The following DAAM1 variants were observed in gnomAD, a reference collection of about 807,000 sequenced individuals.
DAAM1 encodes disheveled-associated activator of morphogenesis 1.
Under a neutral mutation model 130.0 loss-of-function variants are expected in DAAM1, and 52 were observed. The observed-to-expected ratio is 0.40, with a 90% CI of 0.32 to 0.50. DAAM1 has a LOEUF of 0.50. Among genes scored for constraint, DAAM1 ranks in the 20% least tolerant of loss-of-function variants. DAAM1 has a pLI of 0.61. For missense variants in DAAM1, 1,134 were observed against 1,303.8 expected (o/e 0.87, Z 2.01); for synonymous variants, 452 against 444.5 (o/e 1.02, Z -0.21).
intron 15 of DAAM1, among the ~76,000 whole-genome samples, chr14:59,339,174 T>A (rs1885749476): frequency 6.6e-6 from 1 of 152,238 alleles, no homozygotes; most frequent in Non-Finnish European, 1.5e-5. Context: ...GTAAGTTGAA[T>A]GAATAATTCA....
At chr14:59,336,403 C>T (rs540001343) in intron 15 of DAAM1, among the ~76,000 whole-genome samples, 3 of 152,250 alleles carry the variant, frequency 2.0e-5, no homozygotes, top group East Asian at 3.9e-4. Flanking sequence ...TGACCCAAGC[C>T]AATTAGAAGT....
intron 3 of DAAM1, among the ~76,000 whole-genome samples, chr14:59,293,453 A>T (rs927266378): frequency 3.9e-5 from 6 of 152,098 alleles, no homozygotes; most frequent in East Asian, 1.9e-4. Flanking sequence ...TTGTAGGAGG[A>T]TGGATATGGA....
Position 59,367,520 on chromosome 14 carries a change from T to C in DAAM1, c.2918T>C (p.Val973Ala), listed in dbSNP as rs755740073. 6.2e-7 allele frequency: 1 copy of C among 1,613,970 alleles called. No individual in the cohort carries two copies. Among genetic ancestry groups the C allele is most frequent in the African/African-American group, 1.3e-5 (1 of 75,016 alleles). Residue 973 changes from valine (V) to alanine (A), a missense_variant, in exon 24 of 25, where the codon GTG (valine) becomes GCG (alanine). Physicochemically the swap from Val to Ala is moderately conservative, Grantham distance 64. Transcript: ENST00000360909. ...ATTTTTGATCAATTTCTTCAAGCTGTGTCAGAAGCCAAACAAGAAAACGAA... is the reference window on the plus strand; with the variant it reads ...ATTTTTGATCAATTTCTTCAAGCTGCGTCAGAAGCCAAACAAGAAAACGAA... ...FGIFDQFLQA[V>A]SEAKQENENM...
At chr14:59,209,551 TTC>T (rs1888366104) in intron 1 of DAAM1, among the ~76,000 whole-genome samples, 2 of 152,228 alleles carry the variant, frequency 1.3e-5, no homozygotes, top group Non-Finnish European at 1.5e-5. Flanking sequence ...CATTCTATTT[TTC>T]ATTTTCAATA....
At chr14:59,326,812 G>A (rs1441430160) in intron 11 of DAAM1, 121 bp from the exon 12 acceptor site, 12 of 1,509,394 alleles carry the variant, frequency 8.0e-6, no homozygotes, top group African/African-American at 1.4e-5. Context: ...GTCTTAAATG[G>A]GTTTCAAGCA....
In DAAM1 at chr14:59,352,513, G is replaced by T; in HGVS notation, c.2161-13G>T. ...GATAAACCTCAGTTTTAATATTCGT[G>T]TGTACTTTTCAGCTCTTGAAATTTG... On this transcript the variant is annotated splice_polypyrimidine_tract_variant and intron_variant, in intron 17 of 24. Coordinates refer to ENST00000360909, the MANE Select transcript of DAAM1 (RefSeq NM_001270520.2). 6.2e-7 allele frequency: 1 copy of T among 1,600,452 alleles called. No individual in the cohort carries two copies. The highest frequency in any genetic ancestry group is 8.5e-7 in the Non-Finnish European group (1 of 1,170,458).
chr14:59,294,932 G>A (rs549486777), intron 3 of DAAM1, among the ~76,000 whole-genome samples: 40 of 152,350 alleles, frequency 2.6e-4, no homozygotes, highest in African/African-American at 8.7e-4. Flanking sequence ...TATGCTGACA[G>A]CAATCTTATC....
chr14:59,250,300 A>C (rs1189148245), intron 1 of DAAM1, among the ~76,000 whole-genome samples: 1 of 152,240 alleles, frequency 6.6e-6, no homozygotes, highest in East Asian at 1.9e-4. Flanking sequence ...CCTTGGGAAC[A>C]TTCTTCCTCT....
intron 16 of DAAM1, among the ~76,000 whole-genome samples, chr14:59,343,918 A>G (rs1022518357): frequency 6.6e-6 from 1 of 152,210 alleles, no homozygotes; most frequent in Non-Finnish European, 1.5e-5. Flanking sequence ...TAGAATGGGC[A>G]CGTCTTAGAG....
intron 1 of DAAM1, among the ~76,000 whole-genome samples, chr14:59,208,019 A>G (rs961860546): frequency 6.6e-6 from 1 of 152,354 alleles, no homozygotes; most frequent in Non-Finnish European, 1.5e-5. Flanking sequence ...ATAGAAATAG[A>G]TAAAAATCTT....
rs41285512 is a variant in DAAM1 at position 59,368,632 on chromosome 14, A to C, written c.2998-18A>C. The C allele has an allele frequency of 0.077, 123,085 of 1,605,436 alleles. 5,206 individuals carry two copies. Among genetic ancestry groups the C allele is most frequent in the Non-Finnish European group, 0.086 (101,423 of 1,175,560 alleles). On this transcript the variant is annotated intron_variant, in intron 24 of 24. Transcript: ENST00000360909. ...CATTTTGACATGTCTCAAAGAGGTT[A>C]TTTCTTTCTATTTGCAGCTCAAAGA...
In DAAM1 at chr14:59,288,816, T is replaced by C. The variant is rs532503014; in HGVS notation, c.184-2401T>C. Among the ~76,000 whole-genome samples the C allele has an allele frequency of 1.6e-4, 21 of 134,478 alleles. No homozygotes were observed. The South Asian group carries it at 5.0e-3, about 32-fold the overall frequency. 88.2% of individuals were successfully genotyped at this position (134,478 alleles called of 152,430 possible). On this transcript the variant is annotated intron_variant, in intron 2 of 24. Coordinates refer to ENST00000360909, the MANE Select transcript of DAAM1 (RefSeq NM_001270520.2). ...CATGGCAGAAGGGGAAGCAAGCACA[T>C]TTTCCTGTGATAGCAGGAGAGAGAG...
rs780165409 is a variant in DAAM1 at position 59,324,179 on chromosome 14, A to G, written c.826A>G (p.Ser276Gly). Reference sequence around the variant, plus strand: ...CACTGGGCGGTATCGAGATGAAGTGAGTCTCAAGACTGCCATCATGTCCTT... The same window carrying G: ...CACTGGGCGGTATCGAGATGAAGTGGGTCTCAAGACTGCCATCATGTCCTT... ...KSTGRYRDEV[S>G]LKTAIMSFIN... Residue 276 changes from serine to glycine, a missense_variant, in exon 7 of 25, where the codon AGT becomes GGT. Physicochemically the swap from Ser to Gly is moderately conservative, Grantham distance 56. Transcript: ENST00000360909. 1.4e-6 allele frequency: 2 copies of G among 1,461,984 alleles called. No individual in the cohort carries two copies. The highest frequency in any genetic ancestry group is 2.1e-5 in the Admixed American group (1 of 47,628). The allele number at this position is 1,461,984 out of a possible 1,614,324, so 90.6% of individuals were successfully genotyped here. A position where few individuals can be genotyped will look rare whatever the true frequency, so the allele number is the denominator to read the frequency against.
intron 1 of DAAM1, among the ~76,000 whole-genome samples, chr14:59,233,620 G>A (rs1471513860): frequency 1.3e-5 from 2 of 152,124 alleles, no homozygotes; most frequent in Non-Finnish European, 2.9e-5. Flanking sequence ...CTTTTGCTAT[G>A]CAGAAGCTCT....
chr14:59,202,310 C>T (rs1888129801), intron 1 of DAAM1, among the ~76,000 whole-genome samples: 1 of 152,046 alleles, frequency 6.6e-6, no homozygotes, highest in African/African-American at 2.4e-5. Flanking sequence ...TGTCTTTGGC[C>T]CAGAGTTACA....
At chr14:59,336,971 G>A (rs776933427) in intron 15 of DAAM1, among the ~76,000 whole-genome samples, 27 of 152,080 alleles carry the variant, frequency 1.8e-4, no homozygotes, top group Non-Finnish European at 3.7e-4. Flanking sequence ...CCACACACCC[G>A]GTAAATAACA....
rs540147240 is a variant in DAAM1 at position 59,195,679 on chromosome 14, T to A, written c.-38+6911T>A. ...CTTCCTGAATTTAGGCTTACAAGAG[T>A]AGATAGCCCAGATCCTAGCTTTGGG... is the stretch of plus-strand genomic sequence containing the variant. On this transcript the variant is annotated intron_variant, in intron 1 of 24. Coordinates refer to ENST00000360909, the MANE Select transcript of DAAM1 (RefSeq NM_001270520.2). Among the ~76,000 whole-genome samples the A allele has an allele frequency of 1.3e-3, 196 of 152,234 alleles. 1 individual carries two copies. Among genetic ancestry groups the A allele is most frequent in the African/African-American group, 4.5e-3 (189 of 41,542 alleles).
At chr14:59,273,859 TAGTCAC>T (rs1202940671) in intron 2 of DAAM1, among the ~76,000 whole-genome samples, 1 of 152,240 alleles carries the variant, frequency 6.6e-6, no homozygotes, top group Non-Finnish European at 1.5e-5. Flanking sequence ...GGGAATTATC[TAGTCAC>T]CATGGTTTGC....
At chr14:59,322,809 T>C (rs1364126134) in intron 5 of DAAM1, 83 bp from the exon 6 acceptor site, 48 of 1,129,408 alleles carry the variant, frequency 4.3e-5, no homozygotes, top group Non-Finnish European at 5.8e-5. Context: ...AATCTTTCTT[T>C]CCCCTGCCCT....
Sources: allele counts gnomAD v4.1 joint callset (sites outside exome capture counted in the v4.1 genomes callset), GRCh38; gene constraint gnomAD v4.1.1; transcripts MANE v1.5; gene names NCBI Gene and HGNC (gene_info 2026-07-23, HGNC 2026-07-21).